Variants in AGAP1 observed in about 807,000 individuals in gnomAD.
AGAP1 encodes the protein arf-GAP with GTPase, ANK repeat and PH domain-containing protein 1.
Under a neutral mutation model 105.3 loss-of-function variants are expected in AGAP1, and 29 were observed. That is an observed-to-expected ratio of 0.28 (90% CI 0.21 to 0.38). The LOEUF is 0.38. Among genes scored for constraint, AGAP1 ranks in the 10% least tolerant of loss-of-function variants. AGAP1 has a pLI of 1.00. For synonymous variants in AGAP1, 509 were observed against 485.9 expected (o/e 1.05, Z -0.63); for missense variants, 998 against 1,165.1 (o/e 0.86, Z 2.09).
intron 1 of AGAP1, among the ~76,000 whole-genome samples, chr2:235,528,952 A>G (rs111678706): frequency 7.2e-5 from 11 of 152,312 alleles, no homozygotes; most frequent in African/African-American, 2.6e-4. Flanking sequence ...CTGGGATTAC[A>G]TGCATGAGCC....
intron 9 of AGAP1, among the ~76,000 whole-genome samples, chr2:235,848,619 G>A (rs1222589817): frequency 6.6e-6 from 1 of 152,174 alleles, no homozygotes; most frequent in Non-Finnish European, 1.5e-5. Context: ...TTGCTCGGAA[G>A]GTACTATTTT....
chr2:235,776,980 A>T (rs111857356), intron 6 of AGAP1: 8 of 471,042 alleles, frequency 1.7e-5, no homozygotes, highest in Admixed American at 1.4e-4. Context: ...TGCTGAGTAC[A>T]TGGTGAGTTC....
At chr2:235,538,255 G>A (rs1943305374) in intron 1 of AGAP1, among the ~76,000 whole-genome samples, 2 of 152,202 alleles carry the variant, frequency 1.3e-5, no homozygotes, top group South Asian at 4.1e-4. Flanking sequence ...GCAGGGACAA[G>A]ATTCGTTTTT....
Position 235,961,153 on chromosome 2 carries a change from A to G in AGAP1, c.1484-7309A>G, listed in dbSNP as rs936547531. ...CTCATAGGGAAGATGTTCCGTAAAC[A>G]AAGAAACACGCATGGAGCATGTCAT... On this transcript the variant is annotated intron_variant, in intron 12 of 17. Transcript: ENST00000304032. This position sits in a 1 kb window ranked among gnomAD's most constrained non-coding sequence, Gnocchi z 5.9. Among the ~76,000 whole-genome samples, 5 of 152,212 alleles carry G rather than the reference A, an allele frequency of 3.3e-5. No homozygotes were observed. The highest frequency in any genetic ancestry group is 1.2e-4 in the African/African-American group (5 of 41,464).
chr2:235,769,574 A>G lies in AGAP1; in HGVS notation c.673+19086A>G, dbSNP rs553337484. On this transcript the variant is annotated intron_variant, in intron 6 of 17. Coordinates refer to ENST00000304032, the MANE Select transcript of AGAP1 (RefSeq NM_001037131.3). The surrounding 1 kb of genome is among the most constrained non-coding windows in gnomAD (Gnocchi z 4.4). The stretch of plus-strand genomic sequence containing the variant: ...ATGCAAACAGTTAGTTGTTCCGTTC[A>G]TGCTGTTGCGTGAGATAAGTTAGGA... Among the ~76,000 whole-genome samples the G allele has an allele frequency of 6.8e-4, 103 of 152,340 alleles. 1 individual carries two copies. Among genetic ancestry groups the G allele is most frequent in the African/African-American group, 2.4e-3 (100 of 41,582 alleles).
At chr2:235,991,740 T>G (rs2125456148) in intron 13 of AGAP1, among the ~76,000 whole-genome samples, 1 of 152,330 alleles carries the variant, frequency 6.6e-6, no homozygotes, top group South Asian at 2.1e-4. Flanking sequence ...TTAAGGCATT[T>G]CCTTCTGCAG....
rs1946075743 is a variant in AGAP1 at position 235,610,064 on chromosome 2, A to G, written c.164-99115A>G. ...CAATGCTTTTCCTGCATTTGCCCCA[A>G]CTCTGTGCAGGGCCAGCACTTTTAG... On this transcript the variant is annotated intron_variant, in intron 1 of 17. Transcript: ENST00000304032. This position sits in a 1 kb window ranked among gnomAD's most constrained non-coding sequence, Gnocchi z 4.9. Among the ~76,000 whole-genome samples the G allele has an allele frequency of 6.6e-6, 1 of 152,044 alleles. No homozygotes were observed. Among genetic ancestry groups the G allele is most frequent in the Non-Finnish European group, 1.5e-5 (1 of 68,012 alleles).
In AGAP1 at chr2:235,701,776, T is replaced by C. The variant is rs1303802967; in HGVS notation, c.164-7403T>C. Among the ~76,000 whole-genome samples, 2 of 152,152 alleles carry C rather than the reference T, an allele frequency of 1.3e-5. No homozygotes were observed. Among genetic ancestry groups the C allele is most frequent in the Non-Finnish European group, 2.9e-5 (2 of 68,032 alleles). On this transcript the variant is annotated intron_variant, in intron 1 of 17. Transcript: ENST00000304032. The surrounding 1 kb of genome is among the most constrained non-coding windows in gnomAD (Gnocchi z 4.1). Reference sequence around the variant, plus strand: ...GGCTGCGTTGAAATGGATTTCTTTATTCTATTTAAGACTCCACTTCCTTCC... The same window carrying C: ...GGCTGCGTTGAAATGGATTTCTTTACTCTATTTAAGACTCCACTTCCTTCC...
intron 12 of AGAP1, among the ~76,000 whole-genome samples, chr2:235,940,167 C>T (rs1195186713): frequency 6.6e-6 from 1 of 152,130 alleles, no homozygotes; most frequent in Non-Finnish European, 1.5e-5. Context: ...TGTTCATTTG[C>T]TTGGTTCCCT....
At chr2:235,909,801 G>T (rs571863908) in intron 11 of AGAP1, among the ~76,000 whole-genome samples, 1 of 152,166 alleles carries the variant, frequency 6.6e-6, no homozygotes, top group South Asian at 2.1e-4. Context: ...CGGGTGGATC[G>T]CCTGAGGTCA....
intron 1 of AGAP1, among the ~76,000 whole-genome samples, chr2:235,522,269 G>T (rs1273895800): frequency 6.6e-6 from 1 of 152,138 alleles, no homozygotes; most frequent in African/African-American, 2.4e-5. Flanking sequence ...ATGTCACGTC[G>T]GTTGAGGATT....
intron 6 of AGAP1, among the ~76,000 whole-genome samples, chr2:235,776,759 G>A (rs542397491): frequency 6.6e-6 from 1 of 152,170 alleles, no homozygotes; most frequent in Admixed American, 6.5e-5. Context: ...TCCAGGCACT[G>A]CAAGCTCGCA....
intron 10 of AGAP1, among the ~76,000 whole-genome samples, chr2:235,896,418 C>T (rs753345272): frequency 6.6e-6 from 1 of 152,196 alleles, no homozygotes; most frequent in African/African-American, 2.4e-5. Flanking sequence ...GATAACTCTT[C>T]AGAGCTTGGG....
At chr2:235,880,090 T>G (rs1240654832) in intron 9 of AGAP1, among the ~76,000 whole-genome samples, 3 of 151,774 alleles carry the variant, frequency 2.0e-5, no homozygotes, top group African/African-American at 7.3e-5. Context: ...GGCCTTTTTT[T>G]TTTTTTTTTT....
rs1313252251 is a variant in AGAP1, at chr2:235,961,838, C to CA, written c.1484-6623dup. On this transcript the variant is annotated intron_variant, in intron 12 of 17. Transcript: ENST00000304032. The surrounding 1 kb of genome is among the most constrained non-coding windows in gnomAD (Gnocchi z 5.9). Reference sequence around the variant, plus strand: ...GAGCCGAGATCACGCCACTGCACTACAGCCTGGTGACAGAGCAAGACTTCG... The same window carrying CA: ...GAGCCGAGATCACGCCACTGCACTACAAGCCTGGTGACAGAGCAAGACTTCG... Among the ~76,000 whole-genome samples, 4 of 152,184 alleles carry CA rather than the reference C, an allele frequency of 2.6e-5. No individual in the cohort carries two copies. The highest frequency in any genetic ancestry group is 9.6e-5 in the African/African-American group (4 of 41,462).
chr2:236,077,136 A>ATATATATATAT (rs1309896544), intron 16 of AGAP1, among the ~76,000 whole-genome samples: 5 of 144,298 alleles, frequency 3.5e-5, no homozygotes, highest in African/African-American at 1.3e-4. Context: ...GAAAAAAAAA[A>ATATATATATAT]AAAAAAATAT....
chr2:235,579,297 G>A (rs760817625), intron 1 of AGAP1, among the ~76,000 whole-genome samples: 1 of 152,136 alleles, frequency 6.6e-6, no homozygotes, highest in Non-Finnish European at 1.5e-5. Flanking sequence ...CTGGTGTGAC[G>A]TAACCTTTCA....
At position 236,003,179 on chromosome 2, in the gene AGAP1, G is replaced by C. The variant is rs983340551; in HGVS notation, c.1646-33382G>C. Among the ~76,000 whole-genome samples, 1 of 152,154 alleles carries C rather than the reference G, an allele frequency of 6.6e-6. No homozygotes were observed. The highest frequency in any genetic ancestry group is 2.4e-5 in the African/African-American group (1 of 41,434). ...TGTGCCTCAACCCCCCAAGTAGCTG[G>C]GACTACAGGCACATGCCGCCACGCC... is the stretch of plus-strand genomic sequence containing the variant. On this transcript the variant is annotated intron_variant, in intron 13 of 17. Transcript: ENST00000304032. This position sits in a 1 kb window ranked among gnomAD's most constrained non-coding sequence, Gnocchi z 4.2.
chr2:235,783,624 C>T (rs909818034), intron 6 of AGAP1, among the ~76,000 whole-genome samples: 11 of 152,196 alleles, frequency 7.2e-5, no homozygotes, highest in Middle Eastern at 3.4e-3. Context: ...GAAAGAGGCA[C>T]GCACAGAAAA....
Sources: allele counts gnomAD v4.1 joint callset (sites outside exome capture counted in the v4.1 genomes callset), GRCh38; gene constraint gnomAD v4.1.1; non-coding constraint Gnocchi (gnomAD v3.1); transcripts MANE v1.5; gene names NCBI Gene and HGNC (gene_info 2026-07-23, HGNC 2026-07-21).